Variants in ASCC3 observed in about 807,000 individuals in gnomAD.
ASCC3 encodes the protein ASC-1 complex subunit P200.
A neutral mutation model predicts 256.3 loss-of-function variants in ASCC3; 158 were observed. The ratio of observed to expected loss-of-function variants is 0.62; its 90% CI spans 0.54 to 0.70. The LOEUF is 0.70. ASCC3 is among the 30% of genes least tolerant of loss of function. The probability of loss-of-function intolerance (pLI) is 0.00; values close to 1 mark genes in which losing one functional copy is unlikely to be tolerated. For synonymous variants in ASCC3, 948 were observed against 883.4 expected, an observed-to-expected ratio of 1.07 and a Z score of -1.30; for missense variants, 2,259 against 2,626.0, an observed-to-expected ratio of 0.86 and a Z score of 3.05.
At chr6:100,626,122 G>C (rs182151240) in intron 29 of ASCC3, among the ~76,000 whole-genome samples, 9 of 151,928 alleles carry the variant, frequency 5.9e-5, no homozygotes, top group Admixed American at 2.6e-4. Flanking sequence ...TAAATCACTT[G>C]GCTTATCTTG....
At chr6:100,821,530 A>G (rs956114640) in intron 4 of ASCC3, among the ~76,000 whole-genome samples, 9 of 152,356 alleles carry the variant, frequency 5.9e-5, no homozygotes, top group Admixed American at 5.9e-4. Flanking sequence ...CTATAAAAAA[A>G]AAATGAAGTA....
At chr6:100,640,503 A>C (rs977605432) in intron 24 of ASCC3, among the ~76,000 whole-genome samples, 1 of 152,200 alleles carries the variant, frequency 6.6e-6, no homozygotes, top group African/African-American at 2.4e-5. Context: ...TGGCAGACAA[A>C]AGATAAAATG....
intron 20 of ASCC3, among the ~76,000 whole-genome samples, chr6:100,648,209 A>G (rs1775482874): frequency 6.6e-6 from 1 of 152,040 alleles, no homozygotes; most frequent in Non-Finnish European, 1.5e-5. Context: ...TAATAGACAT[A>G]TAGAAAGTTA....
At chr6:100,589,476 T>G (rs1771875324) in intron 36 of ASCC3, among the ~76,000 whole-genome samples, 158 bp downstream of exon 36, 1 of 152,126 alleles carries the variant, frequency 6.6e-6, no homozygotes, top group South Asian at 2.1e-4. Flanking sequence ...TCACCTTATC[T>G]ATGGGTATCT....
intron 1 of ASCC3, among the ~76,000 whole-genome samples, chr6:100,868,605 GT>G (rs1773591214): frequency 6.6e-6 from 1 of 152,134 alleles, no homozygotes; most frequent in Non-Finnish European, 1.5e-5. Flanking sequence ...ACACTTTCTT[GT>G]TTATTTACTA....
intron 8 of ASCC3, among the ~76,000 whole-genome samples, chr6:100,783,923 G>A (rs975658898): frequency 2.6e-5 from 4 of 152,116 alleles, no homozygotes; most frequent in African/African-American, 4.8e-5. Context: ...AAATTTATGC[G>A]GTAGGTCTTT....
At chr6:100,851,413 C>T (rs1772661064) in intron 3 of ASCC3, among the ~76,000 whole-genome samples, 1 of 152,156 alleles carries the variant, frequency 6.6e-6, no homozygotes, top group Non-Finnish European at 1.5e-5. Context: ...TAGCCATATA[C>T]ATTCACTAAA....
intron 30 of ASCC3, among the ~76,000 whole-genome samples, chr6:100,623,342 A>G (rs1774058804): frequency 1.3e-5 from 2 of 152,196 alleles, no homozygotes; most frequent in East Asian, 3.8e-4. Flanking sequence ...TCAAGCAGTC[A>G]TTTGATAGCC....
chr6:100,694,911 T>A (rs1778014178), intron 13 of ASCC3, among the ~76,000 whole-genome samples: 1 of 152,140 alleles, frequency 6.6e-6, no homozygotes. Flanking sequence ...CACTATATAT[T>A]TAGTCACACA....
chr6:100,785,590 T>A (rs1483962434), intron 8 of ASCC3, among the ~76,000 whole-genome samples: 1 of 152,026 alleles, frequency 6.6e-6, no homozygotes, highest in Admixed American at 6.6e-5. Context: ...TTAAAAAATA[T>A]GTTTAGAAAT....
intron 8 of ASCC3, among the ~76,000 whole-genome samples, chr6:100,796,604 C>T (rs1336959225): frequency 6.6e-6 from 1 of 152,060 alleles, no homozygotes; most frequent in Non-Finnish European, 1.5e-5. Context: ...TCTCTTCATA[C>T]ACACATAGAG....
chr6:100,670,699 G>A (rs1199265509), intron 14 of ASCC3, among the ~76,000 whole-genome samples: 1 of 151,582 alleles, frequency 6.6e-6, no homozygotes, highest in South Asian at 2.1e-4. Context: ...TGGACATGGA[G>A]GGCCATCTGT....
At chr6:100,534,296 AC>A (rs1418297788) in intron 37 of ASCC3, among the ~76,000 whole-genome samples, 1 of 152,168 alleles carries the variant, frequency 6.6e-6, no homozygotes, top group Non-Finnish European at 1.5e-5. Context: ...CAAAAAATAC[AC>A]AAAAAAGGCA....
intron 10 of ASCC3, among the ~76,000 whole-genome samples, chr6:100,730,104 ACACCAGCCTG>A: frequency 6.6e-6 from 1 of 151,922 alleles, no homozygotes; most frequent in South Asian, 2.1e-4. Flanking sequence ...CAGGAGTTTG[ACACCAGCCTG>A]TGCAGTACGG....
chr6:100,672,230 T>C (rs1776788510), intron 14 of ASCC3, among the ~76,000 whole-genome samples: 2 of 152,208 alleles, frequency 1.3e-5, no homozygotes, highest in African/African-American at 4.8e-5. Context: ...TTGTTTAATC[T>C]TTCTGTCCTT....
intron 27 of ASCC3, among the ~76,000 whole-genome samples, chr6:100,628,604 C>T (rs1444215177): frequency 1.3e-5 from 2 of 152,100 alleles, no homozygotes. Flanking sequence ...CTTGTTCCTG[C>T]TCTTGCCATG....
chr6:100,599,304 G>A (rs1009315114), intron 34 of ASCC3, among the ~76,000 whole-genome samples: 12 of 152,146 alleles, frequency 7.9e-5, no homozygotes, highest in South Asian at 2.1e-4. Flanking sequence ...ATTTAGTGAT[G>A]AGGAAATCAG....
chr6:100,873,136 A>ATAAATAAG, intron 1 of ASCC3, among the ~76,000 whole-genome samples: 1 of 152,236 alleles, frequency 6.6e-6, no homozygotes, highest in Admixed American at 6.5e-5. Context: ...GGAAATTTAA[A>ATAAATAAG]TAAACAATAA....
rs1434669598 is a variant in ASCC3, at chr6:100,767,168, C to T, written c.1573G>A (p.Val525Ile). The T allele has an allele frequency of 6.2e-7, 1 of 1,614,010 alleles. No homozygotes were observed. The highest frequency in any genetic ancestry group is 1.7e-5 in the Admixed American group (1 of 60,012). ...HEIRQHFQQGVIKKNEFKIVY... is the reference protein window; with the variant it reads ...HEIRQHFQQGIIKKNEFKIVY... Reference sequence around the variant, plus strand: ...ACCTTAAATTCATTCTTTTTGATAACACCTTGTTGAAAATGTTGGCGAATT... The same window carrying T: ...ACCTTAAATTCATTCTTTTTGATAATACCTTGTTGAAAATGTTGGCGAATT... Residue 525 changes from valine to isoleucine, a missense_variant, in exon 9 of 42, where the codon GTT (valine) becomes ATT (isoleucine). This residue lies in a region of ASCC3 where 1,839 missense variants were observed against 2,206.7 expected (regional missense o/e 0.83). Coordinates refer to ENST00000369162, the MANE Select transcript of ASCC3 (RefSeq NM_006828.4).
Sources: allele counts gnomAD v4.1 joint callset (sites outside exome capture counted in the v4.1 genomes callset), GRCh38; gene constraint gnomAD v4.1.1; regional missense constraint gnomAD v4.1.1; transcripts MANE v1.5; gene names NCBI Gene and HGNC (gene_info 2026-07-23, HGNC 2026-07-21).